The following PLCB4 variants were observed in gnomAD, a reference collection of about 807,000 sequenced individuals.
PLCB4 encodes the protein phospholipase C beta 4, also known as 1-phosphatidylinositol 4,5-bisphosphate phosphodiesterase beta-4.
Under a neutral mutation model 178.8 loss-of-function variants are expected in PLCB4, and 77 were observed. The observed-to-expected ratio is 0.43, with a 90% CI of 0.36 to 0.52. PLCB4 has a LOEUF of 0.52. Ranked by LOEUF, PLCB4 falls within the 20% of genes least tolerant of loss-of-function variation. The probability of loss-of-function intolerance (pLI) is 0.00; values close to 1 mark genes in which losing one functional copy is unlikely to be tolerated. For synonymous variants in PLCB4, 496 were observed against 490.8 expected, an observed-to-expected ratio of 1.01 and a Z score of -0.14; for missense variants, 1,024 against 1,453.4, an observed-to-expected ratio of 0.70 and a Z score of 4.80.
intron 28 of PLCB4, among the ~76,000 whole-genome samples, chr20:9,425,664 G>A (rs900886943): frequency 2.6e-5 from 4 of 152,162 alleles, no homozygotes; most frequent in African/African-American, 7.2e-5. Context: ...TTCCTAACAT[G>A]TCATTGTGGC....
chr20:9,385,308 G>A (rs964117636), intron 14 of PLCB4, among the ~76,000 whole-genome samples: 2 of 151,728 alleles, frequency 1.3e-5, no homozygotes, highest in African/African-American at 4.8e-5. Context: ...GCCCGTTCTC[G>A]ATGGTCACTG....
chr20:9,102,743 G>A (rs73089469), intron 2 of PLCB4, among the ~76,000 whole-genome samples: 2,375 of 151,742 alleles, frequency 0.016, 23 homozygotes, highest in Non-Finnish European at 0.024. Context: ...GCATATTTGG[G>A]GGGGGGCTAT....
intron 2 of PLCB4, among the ~76,000 whole-genome samples, chr20:9,121,332 C>A (rs2091957087): frequency 6.6e-6 from 1 of 152,116 alleles, no homozygotes; most frequent in South Asian, 2.1e-4. Flanking sequence ...CCAGAATTTT[C>A]TCTCCTTGCT....
intron 7 of PLCB4, among the ~76,000 whole-genome samples, chr20:9,357,462 C>T (rs2034938263): frequency 6.6e-6 from 1 of 152,262 alleles, no homozygotes; most frequent in Non-Finnish European, 1.5e-5. Flanking sequence ...ATAGAATATC[C>T]TGTGTGTAGT....
chr20:9,187,495 T>A (rs2147120485), intron 2 of PLCB4, among the ~76,000 whole-genome samples: 1 of 152,354 alleles, frequency 6.6e-6, no homozygotes, highest in East Asian at 1.9e-4. Flanking sequence ...TAAACTTCCA[T>A]GCCAGACTGT....
intron 7 of PLCB4, among the ~76,000 whole-genome samples, chr20:9,361,668 A>C (rs2035345025): frequency 6.6e-6 from 1 of 152,224 alleles, no homozygotes; most frequent in African/African-American, 2.4e-5. Context: ...ACACAATTAA[A>C]ATTAAAAGAA....
At chr20:9,427,508 G>C (rs1038742958) in intron 28 of PLCB4, among the ~76,000 whole-genome samples, 1 of 152,162 alleles carries the variant, frequency 6.6e-6, no homozygotes, top group Non-Finnish European at 1.5e-5. Flanking sequence ...TACACAAATA[G>C]AAGTACTAGA....
chr20:9,279,473 C>T (rs2147678150), intron 3 of PLCB4, among the ~76,000 whole-genome samples: 1 of 151,866 alleles, frequency 6.6e-6, no homozygotes, highest in South Asian at 2.1e-4. Context: ...AAAGGACAGA[C>T]AGGATTGGAA....
chr20:9,318,264 G>A (rs761823939), intron 4 of PLCB4, among the ~76,000 whole-genome samples: 4 of 152,000 alleles, frequency 2.6e-5, no homozygotes, highest in Admixed American at 1.3e-4. Context: ...CTAGTTTAGG[G>A]GTTTTTTAAA....
chr20:9,337,715 A>G (rs1333371452), intron 5 of PLCB4, among the ~76,000 whole-genome samples: 2 of 152,188 alleles, frequency 1.3e-5, no homozygotes, highest in African/African-American at 2.4e-5. Context: ...TTTAATGATT[A>G]TTAACAATGT....
chr20:9,239,188 A>G (rs1431526155), intron 3 of PLCB4, among the ~76,000 whole-genome samples: 1 of 152,174 alleles, frequency 6.6e-6, no homozygotes, highest in Non-Finnish European at 1.5e-5. Flanking sequence ...TTACCCTGTA[A>G]GATGGTGGTA....
chr20:9,329,803 G>T (rs2031360487), intron 4 of PLCB4, among the ~76,000 whole-genome samples: 1 of 152,132 alleles, frequency 6.6e-6, no homozygotes, highest in Non-Finnish European at 1.5e-5. Context: ...GAGCTGAGAG[G>T]CCCAGTGTCC....
chr20:9,432,355 T>C (rs2041478486), intron 28 of PLCB4, among the ~76,000 whole-genome samples: 1 of 152,198 alleles, frequency 6.6e-6, no homozygotes, highest in Non-Finnish European at 1.5e-5. Context: ...GACTACCAGT[T>C]ACTCCTCAAA....
chr20:9,109,469 CT>C (rs762077633), intron 2 of PLCB4, among the ~76,000 whole-genome samples: 2,524 of 143,832 alleles, frequency 0.018, 42 homozygotes, highest in African/African-American at 0.048. Context: ...AAAATGATTG[CT>C]TTTTTTTTTT....
intron 2 of PLCB4, among the ~76,000 whole-genome samples, chr20:9,206,962 C>T (rs1209796425): frequency 6.6e-6 from 1 of 152,032 alleles, no homozygotes; most frequent in Non-Finnish European, 1.5e-5. Context: ...ACTAAAAATA[C>T]AAAAATCACC....
chr20:9,247,757 C>CA (rs2094139993), intron 3 of PLCB4, among the ~76,000 whole-genome samples: 1 of 152,094 alleles, frequency 6.6e-6, no homozygotes, highest in South Asian at 2.1e-4. Context: ...TCCTGGAGGT[C>CA]CTGAGGAGGC....
chr20:9,264,732 T>C (rs2094332044), intron 3 of PLCB4, among the ~76,000 whole-genome samples: 1 of 152,222 alleles, frequency 6.6e-6, no homozygotes, highest in African/African-American at 2.4e-5. Context: ...CAACCTGAGC[T>C]GCATATTGGA....
At chr20:9,440,273 C>T (rs1323090765) in intron 30 of PLCB4, among the ~76,000 whole-genome samples, 1 of 152,218 alleles carries the variant, frequency 6.6e-6, no homozygotes, top group African/African-American at 2.4e-5. Context: ...GTGCTCAGAA[C>T]ACCTACATTA....
chr20:9,219,810 C>T (rs2147283771), intron 3 of PLCB4, among the ~76,000 whole-genome samples: 1 of 152,312 alleles, frequency 6.6e-6, no homozygotes, highest in African/African-American at 2.4e-5. Context: ...ACTCTGGAAC[C>T]TGAGCATTTC....
Sources: gnomAD v4.1 joint callset for allele counts (sites outside exome capture counted in the v4.1 genomes callset) on GRCh38, gnomAD v4.1.1 for gene constraint, MANE v1.5 for transcripts, NCBI Gene and HGNC (gene_info 2026-07-23, HGNC 2026-07-21) for gene names.